Variants in CSMD1 observed in about 807,000 individuals in gnomAD.
CSMD1 encodes CUB and Sushi multiple domains 1.
A neutral mutation model predicts 417.5 loss-of-function variants in CSMD1; 213 were observed. That is an observed-to-expected ratio of 0.51 (90% CI 0.46 to 0.57). The LOEUF is 0.57. CSMD1 is among the 20% of genes least tolerant of loss of function. The probability of loss-of-function intolerance (pLI) is 0.00; values close to 1 mark genes in which losing one functional copy is unlikely to be tolerated. For synonymous variants in CSMD1, 2,862 were observed against 1,736.8 expected (o/e 1.65, Z -16.11); for missense variants, 6,923 against 4,529.7 (o/e 1.53, Z -15.17).
intron 2 of CSMD1, among the ~76,000 whole-genome samples, chr8:4,593,631 C>G (rs1800104879): frequency 6.6e-6 from 1 of 151,976 alleles, no homozygotes; most frequent in Non-Finnish European, 1.5e-5. Flanking sequence ...TTTTTGTGAT[C>G]CGGAGTCTTA....
intron 5 of CSMD1, among the ~76,000 whole-genome samples, chr8:3,867,106 A>G (rs972284514): frequency 6.6e-6 from 1 of 152,106 alleles, no homozygotes; most frequent in Non-Finnish European, 1.5e-5. Flanking sequence ...ATTTTGATTG[A>G]TTGATTTTTT....
chr8:3,472,597 T>C (rs1406185121), intron 11 of CSMD1, among the ~76,000 whole-genome samples: 2 of 152,000 alleles, frequency 1.3e-5, no homozygotes, highest in African/African-American at 2.4e-5. Flanking sequence ...CATATATATA[T>C]ATAAAATTTC....
At chr8:4,532,386 A>T (rs1026481495) in intron 2 of CSMD1, among the ~76,000 whole-genome samples, 1 of 151,008 alleles carries the variant, frequency 6.6e-6, no homozygotes, top group African/African-American at 2.4e-5. Flanking sequence ...CAGAAGAGAA[A>T]TCCTGCACCC....
intron 49 of CSMD1, among the ~76,000 whole-genome samples, chr8:3,085,140 A>G (rs888354369): frequency 3.9e-5 from 6 of 152,166 alleles, no homozygotes; most frequent in African/African-American, 1.4e-4. Context: ...GGCTCACAGA[A>G]AGACTGAATT....
At chr8:4,952,639 T>C (rs1808829282) in intron 1 of CSMD1, among the ~76,000 whole-genome samples, 1 of 152,206 alleles carries the variant, frequency 6.6e-6, no homozygotes, top group South Asian at 2.1e-4. Flanking sequence ...ATGGTGATTG[T>C]GGTAGAGGTT....
At chr8:4,493,614 G>A (rs963089292) in intron 2 of CSMD1, among the ~76,000 whole-genome samples, 3 of 152,176 alleles carry the variant, frequency 2.0e-5, no homozygotes, top group Non-Finnish European at 4.4e-5. Context: ...GAGATTGCTT[G>A]AGGCCAGGAA....
intron 17 of CSMD1, among the ~76,000 whole-genome samples, chr8:3,391,240 T>C (rs1013706348): frequency 6.6e-6 from 1 of 152,210 alleles, no homozygotes; most frequent in African/African-American, 2.4e-5. Context: ...CAATGTTTCT[T>C]CCATGAATAA....
At chr8:4,144,017 CT>C (rs1344135276) in intron 3 of CSMD1, among the ~76,000 whole-genome samples, 3 of 151,278 alleles carry the variant, frequency 2.0e-5, no homozygotes, top group Non-Finnish European at 2.9e-5. Context: ...AGGAGGAGGG[CT>C]ATAGAGAAAG....
intron 1 of CSMD1, among the ~76,000 whole-genome samples, chr8:4,816,239 C>CA (rs1038970641): frequency 2.0e-5 from 3 of 151,900 alleles, no homozygotes; most frequent in African/African-American, 7.3e-5. Flanking sequence ...GTTTGGAGTG[C>CA]AGTAGTGCAA....
chr8:3,738,845 A>C (rs34350480), intron 6 of CSMD1, among the ~76,000 whole-genome samples: 4 of 151,992 alleles, frequency 2.6e-5, no homozygotes, highest in South Asian at 4.2e-4. Context: ...TAAAATAGGC[A>C]TCAATAAATG....
rs146760692 is a variant in CSMD1 at position 3,665,328 on chromosome 8, G to A, written c.1009+43086C>T. On this transcript the variant is annotated intron_variant, in intron 7 of 69. Coordinates refer to ENST00000635120, the MANE Select transcript of CSMD1 (RefSeq NM_033225.6). ...GCGGATGGCCTGAGGTCAGGAGTTCGAGACCAGCCTGGCCCATACGGCAAC... is the reference window on the plus strand; with the variant it reads ...GCGGATGGCCTGAGGTCAGGAGTTCAAGACCAGCCTGGCCCATACGGCAAC... Among the ~76,000 whole-genome samples the A allele has an allele frequency of 1.4e-4, 21 of 152,194 alleles. No homozygotes were observed. The East Asian group carries it at 1.5e-3, about 11-fold the overall frequency.
intron 2 of CSMD1, among the ~76,000 whole-genome samples, chr8:4,620,913 G>C (rs956083662): frequency 6.6e-6 from 1 of 151,484 alleles, no homozygotes; most frequent in Non-Finnish European, 1.5e-5. Context: ...AAAAAAATAG[G>C]CAACTGGCAA....
At chr8:3,751,326 G>GTGTGTGTA (rs398006953) in intron 6 of CSMD1, among the ~76,000 whole-genome samples, 10 of 132,912 alleles carry the variant, frequency 7.5e-5, no homozygotes, top group Non-Finnish European at 1.3e-4. Context: ...GTGTGTGTGT[G>GTGTGTGTA]TATATATATA....
At chr8:4,019,255 A>C (rs902650584) in intron 4 of CSMD1, among the ~76,000 whole-genome samples, 1 of 152,182 alleles carries the variant, frequency 6.6e-6, no homozygotes, top group Non-Finnish European at 1.5e-5. Flanking sequence ...ACTCTCTCTT[A>C]CAGACTAAGA....
At chr8:4,389,288 G>A (rs181163456) in intron 3 of CSMD1, among the ~76,000 whole-genome samples, 1 of 152,224 alleles carries the variant, frequency 6.6e-6, no homozygotes, top group East Asian at 1.9e-4. Context: ...AGGAGAATTA[G>A]AAAATGCGAT....
chr8:3,607,739 G>A (rs75183982), intron 8 of CSMD1, among the ~76,000 whole-genome samples: 2,952 of 152,326 alleles, frequency 0.019, 99 homozygotes, highest in African/African-American at 0.068. Flanking sequence ...AGTCGGTTTT[G>A]CCTATTAAAG....
At chr8:4,346,979 G>T (rs752596656) in intron 3 of CSMD1, among the ~76,000 whole-genome samples, 2 of 152,130 alleles carry the variant, frequency 1.3e-5, no homozygotes, top group South Asian at 4.1e-4. Context: ...GTAATGGAGG[G>T]TGCTTGTGGC....
At chr8:3,389,576 G>C (rs978146050) in intron 17 of CSMD1, among the ~76,000 whole-genome samples, 1 of 152,152 alleles carries the variant, frequency 6.6e-6, no homozygotes, top group Non-Finnish European at 1.5e-5. Context: ...AACAGTGTAT[G>C]CACTACGGCA....
chr8:4,459,873 A>T (rs1217674), intron 2 of CSMD1, among the ~76,000 whole-genome samples: 31,613 of 152,158 alleles, frequency 0.21, 4,322 homozygotes, highest in African/African-American at 0.37. Flanking sequence ...GCCTCAAAAT[A>T]TATAAAACAG....
Sources: gnomAD v4.1 joint callset for allele counts (sites outside exome capture counted in the v4.1 genomes callset) on GRCh38, gnomAD v4.1.1 for gene constraint, MANE v1.5 for transcripts, NCBI Gene and HGNC (gene_info 2026-07-23, HGNC 2026-07-21) for gene names.